The following MTTP variants were observed in gnomAD, a reference collection of about 807,000 sequenced individuals.
MTTP encodes microsomal triglyceride transfer protein large subunit.
MTTP carries 49 observed loss-of-function variants against 90.6 expected under a neutral mutation model. That is an observed-to-expected ratio of 0.54 (90% confidence interval 0.43 to 0.69). MTTP has a LOEUF of 0.69. Among genes scored for constraint, MTTP ranks in the 30% least tolerant of loss-of-function variants. The pLI is 0.00. For synonymous variants in MTTP, 347 were observed against 384.2 expected (o/e 0.90, Z 1.13); for missense variants, 945 against 1,067.5 (o/e 0.89, Z 1.60).
intron 1 of MTTP, among the ~76,000 whole-genome samples, chr4:99,566,297 G>GAA (rs567380343): frequency 0.41 from 48,023 of 117,040 alleles, 9,137 homozygotes; most frequent in East Asian, 0.57. Context: ...TCAAAAAAAA[G>GAA]AAAAAAAAAA....
In MTTP at chr4:99,607,584, A is replaced by G. The variant is rs554988924; in HGVS notation, c.1557+624A>G. 2.0e-5 allele frequency among the ~76,000 whole-genome samples: 3 copies of G among 152,314 alleles called. No homozygotes were observed. In the South Asian group the frequency reaches 6.2e-4, roughly 32 times the overall value. ...CTACATATCTGAGAGCAAAGCCAAG[A>G]TTTGAGGGAGTTAGTAAAAGGTAAA... is the stretch of plus-strand genomic sequence containing the variant. On this transcript the variant is annotated intron_variant, in intron 11 of 17. Coordinates refer to ENST00000265517, the MANE Select transcript of MTTP (RefSeq NM_001386140.1).
rs530607332 is a variant in MTTP, at chr4:99,611,623, T to G, written c.1989+170T>G. Among the ~76,000 whole-genome samples the G allele has an allele frequency of 2.3e-4, 35 of 152,342 alleles. 1 individual carries two copies. The highest frequency in any genetic ancestry group is 8.4e-4 in the African/African-American group (35 of 41,594). ...CTGTAAGAGGCTGTATGGTTTATAG[T>G]CACTCAGAGAAAGTTTCGAATTTGA... On this transcript the variant is annotated intron_variant, in intron 14 of 17. Transcript: ENST00000265517.
In MTTP at chr4:99,623,031, C is replaced by T. The variant is rs74542928; in HGVS notation, c.*183C>T. The T allele has an allele frequency of 0.079, 50,906 of 644,910 alleles. 2,319 individuals carry two copies. Among genetic ancestry groups the T allele is most frequent in the Non-Finnish European group, 0.092 (33,685 of 364,458 alleles). The allele number at this position is 644,910 out of a possible 1,614,324, so 39.9% of individuals were successfully genotyped here. ...GGTATATGCAGTATGCTACCCACAG[C>T]GTCATTTTGAATCATCATGTGACGC... On this transcript the variant is annotated 3_prime_UTR_variant, in exon 18 of 18. Coordinates refer to ENST00000265517, the MANE Select transcript of MTTP (RefSeq NM_001386140.1).
At chr4:99,575,035 CGT>C (rs1157668368) in intron 1 of MTTP, 65 bp downstream of exon 1, 280 of 1,519,304 alleles carry the variant, frequency 1.8e-4, no homozygotes, top group Middle Eastern at 4.2e-4. Flanking sequence ...CAGATACGTG[CGT>C]GTGTGTGTGT....
In MTTP at chr4:99,606,920, C is replaced by T; in HGVS notation, c.1517C>T (p.Thr506Ile). The T allele has an allele frequency of 6.2e-7, 1 of 1,613,860 alleles. No homozygotes were observed. The highest frequency in any genetic ancestry group is 8.5e-7 in the Non-Finnish European group (1 of 1,179,890). The change falls in exon 11 of 18, where the codon ACT (threonine) becomes ATT (isoleucine). Residue 506 changes from threonine to isoleucine, a missense_variant. Thr to Ile is a moderately conservative substitution (Grantham distance 89). Transcript: ENST00000265517. ...GEGPISHLAT[T>I]ALQRYDLPFI... is the part of the protein sequence containing the mutation. The stretch of plus-strand genomic sequence containing the variant: ...GGGCCCATCAGCCACCTGGCTACCA[C>T]TGCTCTCCAGAGATATGATCTCCCT...
chr4:99,590,380 G>A (rs1026022243), intron 4 of MTTP, among the ~76,000 whole-genome samples: 2 of 152,136 alleles, frequency 1.3e-5, no homozygotes, highest in Admixed American at 1.3e-4. Context: ...ATGAGCCACC[G>A]CGCTTGGTCA....
chr4:99,575,620 A>G (rs956176919), intron 1 of MTTP, among the ~76,000 whole-genome samples: 18 of 152,262 alleles, frequency 1.2e-4, no homozygotes, highest in African/African-American at 4.3e-4. Flanking sequence ...TAATTTTAAA[A>G]ATACATATGA....
rs1286177740 is a variant in MTTP, at chr4:99,611,373, T to C, written c.1909T>C (p.Tyr637His). 6.2e-7 allele frequency: 1 copy of C among 1,614,048 alleles called. No homozygotes were observed. The highest frequency in any genetic ancestry group is 2.2e-5 in the East Asian group (1 of 44,884). Residue 637 changes from tyrosine to histidine, a missense_variant, in exon 14 of 18, where the codon TAC (tyrosine) becomes CAC (histidine). Transcript: ENST00000265517. Reference sequence around the variant, plus strand: ...ATCTACTTACAGCCTAGACATTCTCTACTCGGGTTCTGGCATTCTAAGGAG... The same window carrying C: ...ATCTACTTACAGCCTAGACATTCTCCACTCGGGTTCTGGCATTCTAAGGAG... ...SASTYSLDIL[Y>H]SGSGILRRSN...
rs746672722 is a variant in MTTP at position 99,608,745 on chromosome 4, G to A, written c.1558-21G>A. The A allele has an allele frequency of 1.1e-5, 17 of 1,584,558 alleles. No individual in the cohort carries two copies. The South Asian group carries it at 1.8e-4, about 16-fold the overall frequency. On this transcript the variant is annotated intron_variant, in intron 11 of 17. Coordinates refer to ENST00000265517, the MANE Select transcript of MTTP (RefSeq NM_001386140.1). ...TTTTAAAAATCTAGATGTGCACTAA[G>A]TTTGAACATCTTATGAACAGGTGAA...
At chr4:99,610,297 G>A (rs560694501) in intron 12 of MTTP, among the ~76,000 whole-genome samples, 7 of 152,226 alleles carry the variant, frequency 4.6e-5, no homozygotes, top group South Asian at 4.1e-4. Context: ...AGCAAAACAC[G>A]TCTAGTCATT....
At chr4:99,600,295 T>C (rs916179661) in intron 8 of MTTP, among the ~76,000 whole-genome samples, 4 of 152,202 alleles carry the variant, frequency 2.6e-5, no homozygotes, top group Non-Finnish European at 4.4e-5. Context: ...CGCCAAATTA[T>C]ACTTGGCTTA....
intron 6 of MTTP, among the ~76,000 whole-genome samples, chr4:99,593,969 T>C (rs572038086): frequency 1.3e-5 from 2 of 152,326 alleles, no homozygotes; most frequent in South Asian, 4.1e-4. Flanking sequence ...TATTATGTAG[T>C]TTCAGACAGT....
At chr4:99,607,477 G>C (rs1336822739) in intron 11 of MTTP, among the ~76,000 whole-genome samples, 2 of 152,138 alleles carry the variant, frequency 1.3e-5, no homozygotes, top group Admixed American at 6.5e-5. Flanking sequence ...AGGGGCACAG[G>C]CTTTTGAGAA....
At chr4:99,588,243 T>C (rs1243907590) in intron 3 of MTTP, among the ~76,000 whole-genome samples, 1 of 152,150 alleles carries the variant, frequency 6.6e-6, no homozygotes, top group Non-Finnish European at 1.5e-5. Context: ...TGTTTTACTT[T>C]AGAAGCTATG....
chr4:99,595,555 T>C (rs1725533815), intron 7 of MTTP: 3 of 155,146 alleles, frequency 1.9e-5, no homozygotes, highest in Non-Finnish European at 4.3e-5. Flanking sequence ...CTTCATGCTC[T>C]GTGTGTAACT....
intron 2 of MTTP, among the ~76,000 whole-genome samples, chr4:99,582,327 G>A (rs963533074): frequency 1.3e-5 from 2 of 152,154 alleles, no homozygotes; most frequent in Admixed American, 6.6e-5. Context: ...ACCAGAGTAT[G>A]GTGTTCAATT....
intron 6 of MTTP, among the ~76,000 whole-genome samples, chr4:99,593,959 T>C (rs967221253): frequency 1.3e-5 from 2 of 152,330 alleles, no homozygotes; most frequent in African/African-American, 4.8e-5. Flanking sequence ...GCTAGGCATC[T>C]ATTATGTAGT....
upstream of MTTP, among the ~76,000 whole-genome samples, chr4:99,573,906 A>G (rs997323900): frequency 2.0e-5 from 3 of 152,100 alleles, no homozygotes; most frequent in Admixed American, 6.5e-5. Context: ...AGCAGGCTTT[A>G]TGTGCTCTAG....
chr4:99,592,958 C>T (rs1004507932), intron 6 of MTTP, among the ~76,000 whole-genome samples: 8 of 152,086 alleles, frequency 5.3e-5, no homozygotes, highest in African/African-American at 1.9e-4. Flanking sequence ...CCACCAGCAT[C>T]GACAAAAACA....
Sources: allele counts gnomAD v4.1 joint callset (sites outside exome capture counted in the v4.1 genomes callset), GRCh38; gene constraint gnomAD v4.1.1; transcripts MANE v1.5; gene names NCBI Gene and HGNC (gene_info 2026-07-23, HGNC 2026-07-21).